Variants in PIK3R6 observed in about 807,000 individuals in gnomAD.
PIK3R6 encodes phosphoinositide 3-kinase regulatory subunit 6.
Under a neutral mutation model 84.9 loss-of-function variants are expected in PIK3R6, and 91 were observed. That is an observed-to-expected ratio of 1.07 (90% confidence interval 0.90 to 1.28). The LOEUF is 1.28. PIK3R6 is among the 50% of genes most tolerant of loss of function. The pLI, the probability that PIK3R6 is intolerant of heterozygous loss-of-function variation, is 0.00. For missense variants in PIK3R6, 996 were observed against 985.1 expected (o/e 1.01, Z -0.15); for synonymous variants, 416 against 411.4 (o/e 1.01, Z -0.13).
At chr17:8,812,450 A>G (rs2087387386) in intron 18 of PIK3R6, among the ~76,000 whole-genome samples, 1 of 152,250 alleles carries the variant, frequency 6.6e-6, no homozygotes, top group African/African-American at 2.4e-5. Context: ...TGCAAAATGT[A>G]ATTCTTCTCA....
chr17:8,866,253 C>T (rs1299422413), intron 1 of PIK3R6, among the ~76,000 whole-genome samples: 1 of 152,014 alleles, frequency 6.6e-6, no homozygotes, highest in Non-Finnish European at 1.5e-5. Flanking sequence ...AATAAATGGA[C>T]CGGGCCAGGC....
chr17:8,818,670 T>C (rs1288306537), intron 18 of PIK3R6, among the ~76,000 whole-genome samples: 2 of 151,922 alleles, frequency 1.3e-5, no homozygotes, highest in Non-Finnish European at 2.9e-5. Flanking sequence ...AAATTGTTGA[T>C]ATGAGCAAAG....
chr17:8,806,684 C>T (rs1288932316), intron 18 of PIK3R6, among the ~76,000 whole-genome samples: 2 of 152,202 alleles, frequency 1.3e-5, no homozygotes, highest in Non-Finnish European at 2.9e-5. Flanking sequence ...GGTGGCCTAA[C>T]AACATACCCC....
At chr17:8,821,704 T>G (rs762944130) in intron 17 of PIK3R6, 142 bp downstream of exon 17, 84 of 885,738 alleles carry the variant, frequency 9.5e-5, no homozygotes, top group Non-Finnish European at 1.3e-4. Context: ...GCAAGCAACT[T>G]GAAGGCAGTC....
chr17:8,828,029 G>A (rs2088005600), intron 12 of PIK3R6, 83 bp downstream of exon 12: 1 of 1,399,872 alleles, frequency 7.1e-7, no homozygotes, highest in South Asian at 1.2e-5. Context: ...AGCCGGGGAT[G>A]TGGGGGATGC....
chr17:8,813,455 C>A (rs866879067), intron 18 of PIK3R6, among the ~76,000 whole-genome samples: 4 of 151,714 alleles, frequency 2.6e-5, no homozygotes, highest in African/African-American at 4.8e-5. Context: ...ACAACAACAA[C>A]AAAAAAAACT....
At chr17:8,817,233 T>G (rs957789096) in intron 18 of PIK3R6, among the ~76,000 whole-genome samples, 3 of 152,246 alleles carry the variant, frequency 2.0e-5, no homozygotes, top group African/African-American at 7.2e-5. Context: ...GATTGGTGAT[T>G]ACACCTGAAA....
rs1404507842 is a variant in PIK3R6, at chr17:8,828,998, G to T, written c.890-8C>A. Reference sequence around the variant, plus strand: ...AGAGCACCAGTTCCTTCCCTGGGGTGGGGGAACAAGGGCGGTGAGGACACG... The same window carrying T: ...AGAGCACCAGTTCCTTCCCTGGGGTTGGGGAACAAGGGCGGTGAGGACACG... On this transcript the variant is annotated splice_region_variant and splice_polypyrimidine_tract_variant and intron_variant, in intron 10 of 19. Coordinates refer to ENST00000619866, the MANE Select transcript of PIK3R6 (RefSeq NM_001010855.4). The T allele has an allele frequency of 1.3e-5, 19 of 1,494,100 alleles. No homozygotes were observed. Among genetic ancestry groups the T allele is most frequent in the South Asian group, 2.8e-5 (2 of 72,560 alleles). The allele number at this position is 1,494,100 out of a possible 1,614,324, so 92.6% of individuals were successfully genotyped here.
chr17:8,832,869 C>G lies in PIK3R6; in HGVS notation c.802+20G>C, dbSNP rs752761156. 8 of 1,612,258 alleles carry G rather than the reference C, an allele frequency of 5.0e-6. No individual in the cohort carries two copies. The highest frequency in any genetic ancestry group is 6.8e-6 in the Non-Finnish European group (8 of 1,179,666). On this transcript the variant is annotated intron_variant, in intron 9 of 19. Coordinates refer to ENST00000619866, the MANE Select transcript of PIK3R6 (RefSeq NM_001010855.4). The stretch of plus-strand genomic sequence containing the variant: ...CCCCGCGGGACTCTTGCCAAGGCCC[C>G]CCATCTGCCAGTCGCTTACCACCGC...
intron 18 of PIK3R6, among the ~76,000 whole-genome samples, chr17:8,807,563 C>T (rs1048254125): frequency 1.3e-5 from 2 of 152,038 alleles, no homozygotes; most frequent in South Asian, 4.1e-4. Context: ...ACACCTGAGT[C>T]TCAACTTGTA....
At chr17:8,826,807 A>G (rs2087932625) in intron 13 of PIK3R6, among the ~76,000 whole-genome samples, 1 of 152,194 alleles carries the variant, frequency 6.6e-6, no homozygotes, top group South Asian at 2.1e-4. Context: ...AAATAAATAG[A>G]TAAATGATAA....
Position 8,862,576 on chromosome 17 carries a change from C to A in PIK3R6, c.-92+4953G>T, listed in dbSNP as rs553440582. On this transcript the variant is annotated intron_variant, in intron 1 of 19. Coordinates refer to ENST00000619866, the MANE Select transcript of PIK3R6 (RefSeq NM_001010855.4). This position sits in a 1 kb window ranked among gnomAD's most constrained non-coding sequence, Gnocchi z 4.3. ...CCTCTGTCACCTGGGGGTGGCTGAT[C>A]TTTCTCGGGCCGTATCACGGACAGC... Among the ~76,000 whole-genome samples, 2 of 152,258 alleles carry A rather than the reference C, an allele frequency of 1.3e-5. No homozygotes were observed. Among genetic ancestry groups the A allele is most frequent in the South Asian group, 2.1e-4 (1 of 4,818 alleles).
At chr17:8,831,328 T>TAA (rs60650147) in intron 9 of PIK3R6, among the ~76,000 whole-genome samples, 1,161 of 33,064 alleles carry the variant, frequency 0.035, 277 homozygotes, top group African/African-American at 0.15. Flanking sequence ...AGACCCTGTC[T>TAA]AAAAAAAAAA....
chr17:8,839,508 GC>G lies in PIK3R6; in HGVS notation c.97+105del. The G allele has an allele frequency of 1.2e-6, 1 of 848,944 alleles. No individual in the cohort carries two copies. The highest frequency in any genetic ancestry group is 1.8e-6 in the Non-Finnish European group (1 of 552,600). The allele number at this position is 848,944 out of a possible 1,614,324, so 52.6% of individuals were successfully genotyped here. ...AAAGGGGTTTGGTGAGACGACCCTT[GC>G]CCCCTGAGCTCCAGGCCGGGGCTCT... On this transcript the variant is annotated intron_variant, in intron 3 of 19. Transcript: ENST00000619866. This position sits in a 1 kb window ranked among gnomAD's most constrained non-coding sequence, Gnocchi z 4.2.
In PIK3R6 at chr17:8,832,915, A is replaced by G; in HGVS notation, c.776T>C (p.Leu259Pro). Residue 259 changes from leucine to proline, a missense_variant, in exon 9 of 20, where the codon CTG (leucine) becomes CCG (proline). By Grantham distance (98) the Leu-to-Pro change is moderately conservative. Coordinates refer to ENST00000619866, the MANE Select transcript of PIK3R6 (RefSeq NM_001010855.4). ...ERLEEIYCSLLGPAAGRCGGD... is the reference protein window; with the variant it reads ...ERLEEIYCSLPGPAAGRCGGD... ...ACCGCAGCGCCCCGCCGCGGGACCC[A>G]GCAGCGAGCAGTAAATCTCCTCCAG... 1.2e-6 allele frequency: 2 copies of G among 1,612,858 alleles called. No individual in the cohort carries two copies. Among genetic ancestry groups the G allele is most frequent in the Non-Finnish European group, 1.7e-6 (2 of 1,179,730 alleles).
At position 8,827,274 on chromosome 17, in the gene PIK3R6, C is replaced by T; in HGVS notation, c.1413G>A (p.Gln471=). The T allele has an allele frequency of 6.4e-7, 1 of 1,561,348 alleles. No individual in the cohort carries two copies. The highest frequency in any genetic ancestry group is 2.4e-5 in the East Asian group (1 of 41,644). ...ACGTAGCCAGCTCTCCCAGCTCCGG[C>T]TGCCTGGATGCTGCAGGCTTCTGGG... ...LAPEKPAASR[Q]PELGELATFL... Residue 471 remains glutamine (Q), a synonymous_variant, in exon 13 of 20, where the codon CAG becomes CAA. Transcript: ENST00000619866.
At chr17:8,833,524 C>A (rs952589293) in intron 8 of PIK3R6, among the ~76,000 whole-genome samples, 3 of 151,552 alleles carry the variant, frequency 2.0e-5, no homozygotes, top group Non-Finnish European at 2.9e-5. Flanking sequence ...TCTGGGAAGC[C>A]CCCCCTGAGA....
At chr17:8,851,095 C>T (rs2151298452) in intron 1 of PIK3R6, among the ~76,000 whole-genome samples, 1 of 146,710 alleles carries the variant, frequency 6.8e-6, no homozygotes, top group Middle Eastern at 3.4e-3. Flanking sequence ...GCCAGCTTCA[C>T]CTTGATACCA....
At chr17:8,830,031 C>G (rs1175756241) in intron 9 of PIK3R6, among the ~76,000 whole-genome samples, 1 of 152,212 alleles carries the variant, frequency 6.6e-6, no homozygotes, top group African/African-American at 2.4e-5. Context: ...TAGCTCAACC[C>G]TTAGGGGGTC....
Sources: gnomAD v4.1 joint callset for allele counts (sites outside exome capture counted in the v4.1 genomes callset) on GRCh38, gnomAD v4.1.1 for gene constraint, Gnocchi (gnomAD v3.1) non-coding constraint, MANE v1.5 for transcripts, NCBI Gene and HGNC (gene_info 2026-07-23, HGNC 2026-07-21) for gene names.